Variants in NDUFAF6 observed in about 807,000 individuals in gnomAD.
NDUFAF6 encodes the protein NADH dehydrogenase (ubiquinone) complex I, assembly factor 6.
NDUFAF6 carries 45 observed loss-of-function variants against 40.8 expected under a neutral mutation model. That is an observed-to-expected ratio of 1.10 (90% CI 0.87 to 1.42). The LOEUF is 1.42. NDUFAF6 is among the 40% of genes most tolerant of loss of function. The probability of loss-of-function intolerance (pLI) is 0.00; values close to 1 mark genes in which losing one functional copy is unlikely to be tolerated. For missense variants in NDUFAF6, 435 were observed against 418.5 expected, an observed-to-expected ratio of 1.04 and a Z score of -0.34; for synonymous variants, 185 against 155.9, an observed-to-expected ratio of 1.19 and a Z score of -1.39.
Position 95,058,596 on chromosome 8 carries a change from C to T in NDUFAF6, c.*659C>T. 2.5e-6 allele frequency: 3 copies of T among 1,178,744 alleles called. No homozygotes were observed. The highest frequency in any genetic ancestry group is 3.1e-6 in the Non-Finnish European group (3 of 955,446). 73.0% of individuals were successfully genotyped at this position (1,178,744 alleles called of 1,614,324 possible). On this transcript the variant is annotated 3_prime_UTR_variant, in exon 9 of 9. Transcript: ENST00000396124. ...TTTACTTTTTTGTTAATCCCACTTC[C>T]TCACTCTGTCATTCAGCATTATCAT...
At chr8:94,933,177 C>A (rs1258030467) in intron 1 of NDUFAF6, among the ~76,000 whole-genome samples, 2 of 152,178 alleles carry the variant, frequency 1.3e-5, no homozygotes, top group Non-Finnish European at 2.9e-5. Context: ...GATTGCGCCG[C>A]TGCAATCCAG....
intron 1 of NDUFAF6, among the ~76,000 whole-genome samples, chr8:94,933,115 G>C (rs1820587761): frequency 6.6e-6 from 1 of 152,034 alleles, no homozygotes; most frequent in Admixed American, 6.5e-5. Context: ...TTAATCGGCA[G>C]GATAAGGCAG....
At chr8:94,947,534 T>C (rs143030914) in intron 2 of NDUFAF6, among the ~76,000 whole-genome samples, 4 of 152,280 alleles carry the variant, frequency 2.6e-5, no homozygotes, top group Admixed American at 2.6e-4. Flanking sequence ...GTTCCACTTA[T>C]ATGAAGACTA....
At chr8:94,932,735 G>A (rs1052271940) in intron 1 of NDUFAF6, among the ~76,000 whole-genome samples, 35 of 152,152 alleles carry the variant, frequency 2.3e-4, no homozygotes, top group East Asian at 7.7e-4. Flanking sequence ...CCCAGGAGGC[G>A]GAGCTTGCAG....
chr8:95,072,312 C>T (rs188888153), intron 9 of NDUFAF6, among the ~76,000 whole-genome samples: 1 of 152,298 alleles, frequency 6.6e-6, no homozygotes, highest in Admixed American at 6.5e-5. Context: ...TGTTTCATTC[C>T]CTAAAAGCCT....
At chr8:94,899,359 A>G (rs981241997) in intron 1 of NDUFAF6, among the ~76,000 whole-genome samples, 1 of 152,264 alleles carries the variant, frequency 6.6e-6, no homozygotes, top group African/African-American at 2.4e-5. Context: ...CTGCATACAT[A>G]GTTGCCCAAA....
chr8:94,997,939 G>T (rs751524794), intron 2 of NDUFAF6, among the ~76,000 whole-genome samples: 2 of 152,092 alleles, frequency 1.3e-5, no homozygotes, highest in African/African-American at 2.4e-5. Context: ...GTGGTTTTCC[G>T]TAAAGATTGA....
intron 1 of NDUFAF6, among the ~76,000 whole-genome samples, chr8:94,905,190 T>C (rs1235954201): frequency 6.6e-6 from 1 of 151,978 alleles, no homozygotes; most frequent in Non-Finnish European, 1.5e-5. Flanking sequence ...GGGGAGACTA[T>C]GTCTCAAGAA....
intron 2 of NDUFAF6, among the ~76,000 whole-genome samples, chr8:94,996,612 C>T (rs919671033): frequency 6.6e-6 from 1 of 152,134 alleles, no homozygotes; most frequent in Non-Finnish European, 1.5e-5. Flanking sequence ...GTCTGCTCAC[C>T]GTGCAGAGAA....
intron 3 of NDUFAF6, among the ~76,000 whole-genome samples, chr8:95,038,654 T>C (rs144989390): frequency 2.4e-3 from 361 of 152,262 alleles, no homozygotes; most frequent in African/African-American, 8.5e-3. Flanking sequence ...ATTCAGTCTT[T>C]ACCATGCCTG....
intron 2 of NDUFAF6, among the ~76,000 whole-genome samples, chr8:95,015,623 T>A (rs1827409314): frequency 6.6e-6 from 1 of 152,224 alleles, no homozygotes; most frequent in African/African-American, 2.4e-5. Context: ...ATTCACTTAT[T>A]TGATAACTAT....
At chr8:95,024,449 T>C (rs903502726), upstream of NDUFAF6, among the ~76,000 whole-genome samples, 1 of 152,218 alleles carries the variant, frequency 6.6e-6, no homozygotes, top group Admixed American at 6.5e-5. Context: ...GTGTGTGCTT[T>C]TCTGCTGGAG....
intron 2 of NDUFAF6, chr8:95,033,955 C>G: frequency 2.2e-6 from 1 of 455,876 alleles, no homozygotes; most frequent in South Asian, 1.6e-5. Flanking sequence ...AGATAGGCAG[C>G]CACTGGAGGG....
intron 3 of NDUFAF6, among the ~76,000 whole-genome samples, chr8:95,039,451 C>CA (rs761836243): frequency 1.6e-4 from 22 of 137,476 alleles, no homozygotes; most frequent in Non-Finnish European, 9.3e-5. Flanking sequence ...GACTCTGTCT[C>CA]AAAAAAAAAA....
chr8:95,050,318 G>C (rs1171726168), intron 7 of NDUFAF6, among the ~76,000 whole-genome samples: 1 of 152,234 alleles, frequency 6.6e-6, no homozygotes, highest in African/African-American at 2.4e-5. Flanking sequence ...TGGTGTATGG[G>C]TTATGCGAAA....
At chr8:94,917,657 T>C (rs907678646) in intron 1 of NDUFAF6, among the ~76,000 whole-genome samples, 2 of 152,170 alleles carry the variant, frequency 1.3e-5, no homozygotes, top group African/African-American at 2.4e-5. Flanking sequence ...CTATAGAGCT[T>C]ACAGAAAATG....
intron 3 of NDUFAF6, chr8:95,036,606 T>A: frequency 1.2e-6 from 1 of 865,668 alleles, no homozygotes; most frequent in Non-Finnish European, 1.5e-6. Flanking sequence ...ATTTATTACT[T>A]TACACCTAAA....
At chr8:94,953,513 T>C (rs1822813261), upstream of NDUFAF6, among the ~76,000 whole-genome samples, 1 of 152,260 alleles carries the variant, frequency 6.6e-6, no homozygotes, top group Non-Finnish European at 1.5e-5. Flanking sequence ...TGACTCGTTC[T>C]TGGGGCGGTT....
At chr8:95,000,982 G>A (rs1826705052) in intron 2 of NDUFAF6, among the ~76,000 whole-genome samples, 2 of 148,206 alleles carry the variant, frequency 1.3e-5, no homozygotes, top group Admixed American at 1.3e-4. Context: ...TTGAGACAGG[G>A]TCTCGCTCTG....
Sources: gnomAD v4.1 joint callset for allele counts (sites outside exome capture counted in the v4.1 genomes callset) on GRCh38, gnomAD v4.1.1 for gene constraint, MANE v1.5 for transcripts, NCBI Gene and HGNC (gene_info 2026-07-23, HGNC 2026-07-21) for gene names.